The following NIPA2 variants were observed in gnomAD, a reference collection of about 807,000 sequenced individuals.
The protein encoded by NIPA2 is NIPA magnesium transporter 2.
A neutral mutation model predicts 29.7 loss-of-function variants in NIPA2; 11 were observed. The ratio of observed to expected loss-of-function variants is 0.37; its 90% CI spans 0.23 to 0.61. NIPA2 has a LOEUF of 0.61. NIPA2 is among the 20% of genes least tolerant of loss of function. The pLI is 0.66. For synonymous variants in NIPA2, 183 were observed against 161.9 expected, an observed-to-expected ratio of 1.13 and a Z score of -0.99; for missense variants, 426 against 437.9, an observed-to-expected ratio of 0.97 and a Z score of 0.24.
At chr15:22,848,694 C>T (rs945817322) in intron 3 of NIPA2, among the ~76,000 whole-genome samples, 5 of 151,830 alleles carry the variant, frequency 3.3e-5, no homozygotes, top group Middle Eastern at 3.4e-3. Context: ...GGCATGGCAG[C>T]ATGTGCCTGT....
Position 22,867,028 on chromosome 15 carries a change from T to TA in NIPA2, c.*185dup. 5.1e-6 allele frequency: 3 copies of TA among 582,544 alleles called. No homozygotes were observed. The highest frequency in any genetic ancestry group is 8.8e-6 in the Non-Finnish European group (3 of 339,180). The allele number at this position is 582,544 out of a possible 1,614,324, so 36.1% of individuals were successfully genotyped here. On this transcript the variant is annotated 3_prime_UTR_variant, in exon 8 of 8. Transcript: ENST00000337451. Reference sequence around the variant, plus strand: ...ATTTAAACAAACAATGGTAGCTCACTAAAATGACCTCAGCACATGACGATT... The same window carrying TA: ...ATTTAAACAAACAATGGTAGCTCACTAAAAATGACCTCAGCACATGACGATT...
chr15:22,848,286 G>T (rs535547868), intron 3 of NIPA2, among the ~76,000 whole-genome samples: 1 of 152,052 alleles, frequency 6.6e-6, no homozygotes. Context: ...CCACTTGCTA[G>T]CATATTGGAT....
chr15:22,844,376 T>C (rs765262894), intron 2 of NIPA2, among the ~76,000 whole-genome samples: 4 of 151,802 alleles, frequency 2.6e-5, no homozygotes, highest in Non-Finnish European at 4.4e-5. Context: ...CTGGCCAACA[T>C]AGTGAAACCC....
chr15:22,848,825 C>CAAA (rs35853443), intron 3 of NIPA2, among the ~76,000 whole-genome samples: 1,614 of 66,710 alleles, frequency 0.024, 250 homozygotes, highest in African/African-American at 0.094. Context: ...ACTCTTGTCT[C>CAAA]AAAAAAAAAA....
chr15:22,842,842 A>C (rs1415797869), intron 2 of NIPA2, among the ~76,000 whole-genome samples: 1 of 151,956 alleles, frequency 6.6e-6, no homozygotes, highest in Non-Finnish European at 1.5e-5. Context: ...AAAAATTAAA[A>C]AATGCAAAAA....
intron 2 of NIPA2, among the ~76,000 whole-genome samples, chr15:22,843,729 C>A (rs141655898): frequency 1.3e-5 from 2 of 151,750 alleles, no homozygotes; most frequent in African/African-American, 4.8e-5. Flanking sequence ...TGGCTCACTG[C>A]AACCTCCACC....
chr15:22,846,500 A>G (rs895278898), intron 3 of NIPA2, among the ~76,000 whole-genome samples: 2 of 152,154 alleles, frequency 1.3e-5, no homozygotes, highest in African/African-American at 2.4e-5. Flanking sequence ...CAAATCAGTT[A>G]TTTGAAAGGT....
At position 22,866,721 on chromosome 15, in the gene NIPA2, A is replaced by G. The variant is rs1360596203; in HGVS notation, c.957A>G (p.Ala319=). 1.9e-6 allele frequency: 3 copies of G among 1,613,994 alleles called. No individual in the cohort carries two copies. The highest frequency in any genetic ancestry group is 1.1e-5 in the South Asian group (1 of 91,086). ...LPVSFRKDEK[A]MNGNLSNMYE... The stretch of plus-strand genomic sequence containing the variant: ...TGTCTTTTCGAAAAGACGAGAAAGC[A>G]ATGAATGGCAATCTCTCTAATATGT... The change falls in exon 8 of 8, where the codon GCA becomes GCG. Residue 319 remains alanine, a synonymous_variant. Transcript: ENST00000337451.
At chr15:22,864,354 C>G (rs922862633) in intron 7 of NIPA2, among the ~76,000 whole-genome samples, 2 of 152,110 alleles carry the variant, frequency 1.3e-5, no homozygotes, top group Non-Finnish European at 2.9e-5. Flanking sequence ...CGGGGTTTCA[C>G]CATGTTAGCC....
intron 2 of NIPA2, among the ~76,000 whole-genome samples, chr15:22,844,254 A>G (rs142762277): frequency 1.3e-5 from 2 of 152,282 alleles, no homozygotes; most frequent in Non-Finnish European, 2.9e-5. Flanking sequence ...TATTAGTAAA[A>G]TCAATTGTGA....
At chr15:22,860,265 G>A (rs2058528078) in intron 6 of NIPA2, among the ~76,000 whole-genome samples, 2 of 151,942 alleles carry the variant, frequency 1.3e-5, no homozygotes, top group Non-Finnish European at 2.9e-5. Flanking sequence ...GGTGACCCGC[G>A]CACCTTGGCC....
intron 5 of NIPA2, among the ~76,000 whole-genome samples, chr15:22,855,480 T>G (rs1053629361): frequency 3.3e-5 from 5 of 152,104 alleles, no homozygotes; most frequent in African/African-American, 9.7e-5. Flanking sequence ...AAATACTTAT[T>G]GATCATGTCT....
intron 3 of NIPA2, among the ~76,000 whole-genome samples, chr15:22,850,741 G>A (rs2057672229): frequency 1.3e-5 from 2 of 152,330 alleles, no homozygotes; most frequent in Middle Eastern, 3.4e-3. Context: ...TTAAAAGCCA[G>A]TGTCTCATAA....
At position 22,866,953 on chromosome 15, in the gene NIPA2, A is replaced by T. The variant is rs2059135564; in HGVS notation, c.*106A>T. ...TCCTCAAATAATGTTCTTTAAAGGC[A>T]ATCTTTTTAAAGATTTCACTAATTT... On this transcript the variant is annotated 3_prime_UTR_variant, in exon 8 of 8. Transcript: ENST00000337451. 9.0e-7 allele frequency: 1 copy of T among 1,105,596 alleles called. No homozygotes were observed. The highest frequency in any genetic ancestry group is 1.3e-6 in the Non-Finnish European group (1 of 787,408). 68.5% of individuals were successfully genotyped at this position (1,105,596 alleles called of 1,614,324 possible). A position where few individuals can be genotyped will look rare whatever the true frequency, so the allele number is the denominator to read the frequency against.
At chr15:22,853,149 A>G in intron 4 of NIPA2, 63 bp from the exon 5 acceptor site, 1 of 1,068,558 alleles carries the variant, frequency 9.4e-7, no homozygotes, top group Non-Finnish European at 1.4e-6. Context: ...CATTACTAAT[A>G]GTTATAATTT....
intron 3 of NIPA2, among the ~76,000 whole-genome samples, chr15:22,845,702 G>C (rs992518588): frequency 6.6e-6 from 1 of 152,026 alleles, no homozygotes; most frequent in African/African-American, 2.4e-5. Flanking sequence ...GAGGAGGGGA[G>C]GGCCTGTCTG....
chr15:22,853,406 C>T (rs2057922240), intron 5 of NIPA2, 138 bp downstream of exon 5: 1 of 480,802 alleles, frequency 2.1e-6, no homozygotes, highest in African/African-American at 2.0e-5. Flanking sequence ...CAGAGTCTCA[C>T]TCTGTCACCC....
intron 2 of NIPA2, among the ~76,000 whole-genome samples, chr15:22,842,515 C>T (rs1325415607): frequency 6.6e-6 from 1 of 151,326 alleles, no homozygotes; most frequent in Non-Finnish European, 1.5e-5. Context: ...TGGTGAAACC[C>T]CATCTCTACT....
At chr15:22,841,888 A>C (rs527886852) in intron 2 of NIPA2, among the ~76,000 whole-genome samples, 1 of 152,052 alleles carries the variant, frequency 6.6e-6, no homozygotes, top group Non-Finnish European at 1.5e-5. Context: ...AGGAAACTGC[A>C]CACCCGCTCA....
Sources: allele counts gnomAD v4.1 joint callset (sites outside exome capture counted in the v4.1 genomes callset), GRCh38; gene constraint gnomAD v4.1.1; transcripts MANE v1.5; gene names NCBI Gene and HGNC (gene_info 2026-07-23, HGNC 2026-07-21).